ATG10: variants seen among roughly 807,000 people sequenced by gnomAD.
ATG10 encodes autophagy related 10.
In ATG10, 30 loss-of-function variants were observed where a neutral mutation model predicts 32.1. The ratio of observed to expected loss-of-function variants is 0.94; its 90% CI spans 0.70 to 1.27. ATG10 has a LOEUF of 1.27. ATG10 is among the 50% of genes most tolerant of loss of function. The pLI, the probability that ATG10 is intolerant of heterozygous loss-of-function variation, is 0.00. For synonymous variants in ATG10, 87 were observed against 91.5 expected (o/e 0.95, Z 0.28); for missense variants, 233 against 262.3 (o/e 0.89, Z 0.77).
intron 3 of ATG10, among the ~76,000 whole-genome samples, chr5:82,162,762 C>T (rs1042027571): frequency 7.4e-6 from 1 of 135,054 alleles, no homozygotes; most frequent in Non-Finnish European, 1.5e-5. Context: ...CTTGGCAGCA[C>T]GTGGCAGGAT....
rs552989896 is a variant in ATG10 at position 82,081,305 on chromosome 5, C to G, written c.216+22703C>G. 9.4e-3 allele frequency among the ~76,000 whole-genome samples: 1,435 copies of G among 152,296 alleles called. 7 individuals carry two copies. Among genetic ancestry groups the G allele is most frequent in the Non-Finnish European group, 0.014 (986 of 68,024 alleles). On this transcript the variant is annotated intron_variant, in intron 3 of 7. Coordinates refer to ENST00000282185, the MANE Select transcript of ATG10 (RefSeq NM_031482.5). ...AATATACAATCATGTTATCTGCAAA[C>G]AGGGACAATTTGACTTCCTCTTTTC...
intron 3 of ATG10, among the ~76,000 whole-genome samples, chr5:82,136,028 C>A (rs756516410): frequency 1.6e-4 from 25 of 152,154 alleles, no homozygotes; most frequent in Non-Finnish European, 3.2e-4. Context: ...TTATCAGAGA[C>A]TAAAATTGCA....
intron 1 of ATG10, among the ~76,000 whole-genome samples, chr5:81,973,458 A>G (rs981545235): frequency 5.9e-5 from 9 of 152,204 alleles, no homozygotes; most frequent in Non-Finnish European, 1.2e-4. Context: ...CTAACCTATC[A>G]AACTTACCAT....
At chr5:82,151,157 A>G (rs1247182384) in intron 3 of ATG10, among the ~76,000 whole-genome samples, 7 of 152,196 alleles carry the variant, frequency 4.6e-5, no homozygotes, top group African/African-American at 1.7e-4. Flanking sequence ...TATAATTTAT[A>G]TTTACTTTGA....
chr5:82,034,806 G>C (rs1762859594), intron 2 of ATG10, among the ~76,000 whole-genome samples: 2 of 151,966 alleles, frequency 1.3e-5, no homozygotes, highest in South Asian at 4.2e-4. Context: ...GTGCTCAAAT[G>C]GCACCTTATC....
intron 2 of ATG10, among the ~76,000 whole-genome samples, chr5:82,017,404 C>G (rs537514740): frequency 4.6e-5 from 7 of 152,228 alleles, no homozygotes; most frequent in Admixed American, 3.9e-4. Flanking sequence ...ATTTCTTTCT[C>G]TTGTCTGATT....
chr5:82,189,421 T>C (rs1744574244), intron 5 of ATG10, among the ~76,000 whole-genome samples: 1 of 152,100 alleles, frequency 6.6e-6, no homozygotes, highest in Non-Finnish European at 1.5e-5. Flanking sequence ...TATGGAAAAA[T>C]AGTCTTCTTT....
intron 3 of ATG10, among the ~76,000 whole-genome samples, chr5:82,144,368 TG>T (rs1330040854): frequency 2.6e-5 from 4 of 151,942 alleles, no homozygotes; most frequent in Non-Finnish European, 5.9e-5. Flanking sequence ...TTATTTGCCC[TG>T]GGTTTACTTT....
At chr5:82,052,258 C>T (rs913330469) in intron 2 of ATG10, among the ~76,000 whole-genome samples, 97 of 152,098 alleles carry the variant, frequency 6.4e-4, no homozygotes, top group Non-Finnish European at 1.9e-4. Flanking sequence ...CAACAAAAGC[C>T]CTATAATTAT....
At chr5:81,993,340 T>TTTCTTTCTTTCC (rs1761526400) in intron 2 of ATG10, among the ~76,000 whole-genome samples, 2 of 42,836 alleles carry the variant, frequency 4.7e-5, no homozygotes, top group African/African-American at 1.0e-4. Context: ...TCCTTCCTTC[T>TTTCTTTCTTTCC]TTCTTTCTTT....
chr5:82,095,355 A>G (rs1765021032), intron 3 of ATG10, among the ~76,000 whole-genome samples: 1 of 152,134 alleles, frequency 6.6e-6, no homozygotes, highest in Non-Finnish European at 1.5e-5. Flanking sequence ...TATTATTGTT[A>G]TATTTATGTC....
chr5:82,103,985 T>G (rs1765368946), intron 3 of ATG10, among the ~76,000 whole-genome samples: 1 of 152,198 alleles, frequency 6.6e-6, no homozygotes, highest in African/African-American at 2.4e-5. Context: ...TGTCTTCTTT[T>G]GTTTGTAAAA....
intron 3 of ATG10, among the ~76,000 whole-genome samples, chr5:82,098,807 G>A (rs1765162286): frequency 6.6e-6 from 1 of 152,192 alleles, no homozygotes; most frequent in African/African-American, 2.4e-5. Context: ...TGAATAGATA[G>A]TTCTTTAAGT....
At chr5:82,235,433 T>C (rs1746516561) in intron 5 of ATG10, among the ~76,000 whole-genome samples, 1 of 152,250 alleles carries the variant, frequency 6.6e-6, no homozygotes, top group South Asian at 2.1e-4. Context: ...TCTCTGTCTC[T>C]TTATCTTTAA....
At chr5:82,208,499 A>C (rs1245008783) in intron 5 of ATG10, among the ~76,000 whole-genome samples, 1 of 152,174 alleles carries the variant, frequency 6.6e-6, no homozygotes, top group Non-Finnish European at 1.5e-5. Flanking sequence ...TATTCTACTT[A>C]TAGAACTGGC....
intron 3 of ATG10, among the ~76,000 whole-genome samples, chr5:82,134,945 A>C (rs1436151032): frequency 7.1e-6 from 1 of 141,788 alleles, no homozygotes; most frequent in Non-Finnish European, 1.5e-5. Flanking sequence ...TTCCTGGTTT[A>C]GCCTTCAGAG....
intron 2 of ATG10, among the ~76,000 whole-genome samples, chr5:82,021,740 C>T (rs1035239784): frequency 1.7e-4 from 26 of 150,992 alleles, no homozygotes; most frequent in African/African-American, 5.9e-4. Context: ...ATTAGCTGGG[C>T]GTGGCTGGGC....
At chr5:82,198,087 G>A (rs143455489) in intron 5 of ATG10, among the ~76,000 whole-genome samples, 182 of 152,272 alleles carry the variant, frequency 1.2e-3, no homozygotes, top group African/African-American at 4.2e-3. Flanking sequence ...AGCTGGTAAT[G>A]CAGAGTATTT....
At chr5:82,103,678 T>G (rs1342922229) in intron 3 of ATG10, among the ~76,000 whole-genome samples, 1 of 151,396 alleles carries the variant, frequency 6.6e-6, no homozygotes, top group Non-Finnish European at 1.5e-5. Context: ...GTGGGTTTCC[T>G]TTAGAAACCC....
Sources: gnomAD v4.1 joint callset for allele counts (sites outside exome capture counted in the v4.1 genomes callset) on GRCh38, gnomAD v4.1.1 for gene constraint, MANE v1.5 for transcripts, NCBI Gene and HGNC (gene_info 2026-07-23, HGNC 2026-07-21) for gene names.